Variants in WFDC1 observed in about 807,000 individuals in gnomAD.
WFDC1 encodes WAP four-disulfide core domain protein 1.
WFDC1 carries 39 observed loss-of-function variants against 32.9 expected under a neutral mutation model. That is an observed-to-expected ratio of 1.19 (90% CI 0.92 to 1.55). The LOEUF is 1.55. Ranked by LOEUF, WFDC1 falls within the 40% of genes most tolerant of loss-of-function variation. The pLI, the probability that WFDC1 is intolerant of heterozygous loss-of-function variation, is 0.00. For missense variants in WFDC1, 386 were observed against 309.5 expected, an observed-to-expected ratio of 1.25 and a Z score of -1.85; for synonymous variants, 184 against 137.4, an observed-to-expected ratio of 1.34 and a Z score of -2.37.
In WFDC1 at chr16:84,295,072, T is replaced by G. The variant is rs775538104; in HGVS notation, c.101T>G (p.Ile34Ser). 5 of 1,614,164 alleles carry G rather than the reference T, an allele frequency of 3.1e-6. No homozygotes were observed. The Admixed American group carries it at 8.3e-5, about 27-fold the overall frequency. The change falls in exon 1 of 7, where the codon ATC becomes AGC. Residue 34 changes from isoleucine to serine, a missense_variant. Physicochemically the swap from Ile to Ser is moderately radical, Grantham distance 142. Transcript: ENST00000219454. ...LLLHAGSAKN[I>S]WKRALPARLA... ...CTCCACGCCGGCTCTGCCAAGAATA[T>G]CTGGAAACGGGCATTGCCTGCGAGG...
intron 4 of WFDC1, among the ~76,000 whole-genome samples, chr16:84,323,357 A>C (rs965323461): frequency 3.3e-5 from 5 of 152,216 alleles, no homozygotes; most frequent in Admixed American, 1.3e-4. Flanking sequence ...GATCACCAGG[A>C]TGGAGAAGTG....
At chr16:84,316,020 T>G (rs1043004307) in intron 2 of WFDC1, 1 of 152,270 alleles carries the variant, frequency 6.6e-6, no homozygotes, top group Admixed American at 6.5e-5. Flanking sequence ...CATTTGCTTA[T>G]TTCCCTGCTG....
At chr16:84,302,562 C>G (rs12927466) in intron 1 of WFDC1, among the ~76,000 whole-genome samples, 26 of 152,000 alleles carry the variant, frequency 1.7e-4, no homozygotes, top group African/African-American at 6.3e-4. Flanking sequence ...CCATCTCCTC[C>G]GAGGCCTCTC....
At chr16:84,326,019 C>T (rs1908572885) in intron 5 of WFDC1, 1 of 136,482 alleles carries the variant, frequency 7.3e-6, no homozygotes, top group Non-Finnish European at 1.6e-5. Context: ...CCCATATATC[C>T]ATCTATCTAT....
chr16:84,313,160 C>T lies in WFDC1; in HGVS notation c.337+7C>T. 7.1e-7 allele frequency: 1 copy of T among 1,414,234 alleles called. No individual in the cohort carries two copies. The highest frequency in any genetic ancestry group is 9.2e-7 in the Non-Finnish European group (1 of 1,091,802). The allele number at this position is 1,414,234 out of a possible 1,614,324, so 87.6% of individuals were successfully genotyped here. On this transcript the variant is annotated splice_region_variant and intron_variant, in intron 2 of 6. Coordinates refer to ENST00000219454, the MANE Select transcript of WFDC1 (RefSeq NM_021197.4). The stretch of plus-strand genomic sequence containing the variant: ...GCTGTGCCGCCCCCGCCAGGTAGGT[C>T]CTGGGCCCGAGGGAGGGGGCTGAGG...
intron 1 of WFDC1, 185 bp downstream of exon 1, chr16:84,295,300 G>A: frequency 1.5e-6 from 1 of 655,216 alleles, no homozygotes; most frequent in Non-Finnish European, 2.4e-6. Flanking sequence ...CCCAAAAAAG[G>A]ACCCTTATCT....
chr16:84,311,125 A>G (rs431596), intron 1 of WFDC1, among the ~76,000 whole-genome samples: 105,742 of 151,690 alleles, frequency 0.7, 37,161 homozygotes, highest in East Asian at 0.98. Context: ...GCCTGGATGG[A>G]GTCTGGTGTC....
chr16:84,298,281 G>A (rs938488721), intron 1 of WFDC1, among the ~76,000 whole-genome samples: 5 of 151,956 alleles, frequency 3.3e-5, no homozygotes, highest in South Asian at 2.1e-4. Flanking sequence ...CTAATTTTTT[G>A]TATTTTTAGT....
chr16:84,295,354 T>G, intron 1 of WFDC1: 1 of 524,152 alleles, frequency 1.9e-6, no homozygotes, highest in African/African-American at 1.9e-5. Flanking sequence ...TGCCAAAGAA[T>G]CGTGCCTTAC....
At chr16:84,319,602 C>G in intron 4 of WFDC1, 31 bp downstream of exon 4, 1 of 1,606,130 alleles carries the variant, frequency 6.2e-7, no homozygotes, top group South Asian at 1.1e-5. Context: ...CTGATCCTGG[C>G]TCCTGCCCCA....
chr16:84,312,761 G>T (rs1038414468), intron 1 of WFDC1, among the ~76,000 whole-genome samples, 200 bp from the exon 2 acceptor site: 5 of 152,072 alleles, frequency 3.3e-5, no homozygotes, highest in Non-Finnish European at 7.4e-5. Context: ...ATTTCGTGCC[G>T]ACTGTTATAA....
Position 84,311,527 on chromosome 16 carries a change from C to CTTTTT in WFDC1, c.145-1417_145-1413dup, listed in dbSNP as rs35243949. 1.3e-3 allele frequency among the ~76,000 whole-genome samples: 117 copies of CTTTTT among 88,682 alleles called. 1 individual carries two copies. The highest frequency in any genetic ancestry group is 5.5e-3 in the African/African-American group (109 of 19,936). 58.2% of individuals were successfully genotyped at this position (88,682 alleles called of 152,430 possible). ...ACAGGTGTGAGCCACTGCGCCTGGA[C>CTTTTT]TTTTTTTTTTTTTTTTTTTTTAACA... is the stretch of plus-strand genomic sequence containing the variant. On this transcript the variant is annotated intron_variant, in intron 1 of 6. Transcript: ENST00000219454.
At chr16:84,324,577 C>A in intron 5 of WFDC1, 117 bp downstream of exon 5, 2 of 1,195,142 alleles carry the variant, frequency 1.7e-6, no homozygotes, top group Non-Finnish European at 2.4e-6. Context: ...AAAATGGGAC[C>A]TGGGATTAAG....
chr16:84,313,424 G>A (rs970773974), intron 2 of WFDC1, among the ~76,000 whole-genome samples: 5 of 152,228 alleles, frequency 3.3e-5, no homozygotes, highest in Admixed American at 2.6e-4. Context: ...AATGGGATGG[G>A]GGCAGGGACC....
intron 4 of WFDC1, among the ~76,000 whole-genome samples, chr16:84,320,610 G>A (rs1427427792): frequency 6.6e-6 from 1 of 152,240 alleles, no homozygotes; most frequent in East Asian, 1.9e-4. Flanking sequence ...CAAGTTGAAA[G>A]ACTTCAATGT....
At chr16:84,295,866 C>G (rs1597655760) in intron 1 of WFDC1, 1 of 152,382 alleles carries the variant, frequency 6.6e-6, no homozygotes, top group Admixed American at 6.5e-5. Flanking sequence ...ACAACTATGT[C>G]TGGGTCGCCA....
intron 6 of WFDC1, chr16:84,327,774 C>G (rs1908687090): frequency 6.6e-6 from 1 of 152,240 alleles, no homozygotes; most frequent in African/African-American, 2.4e-5. Flanking sequence ...TCTATCTCTT[C>G]TCATTTCTGT....
At chr16:84,312,907 C>T (rs949970480) in intron 1 of WFDC1, 54 bp from the exon 2 acceptor site, 95 of 1,095,764 alleles carry the variant, frequency 8.7e-5, no homozygotes, top group African/African-American at 1.8e-4. Flanking sequence ...CTCCGGGTGG[C>T]GCCGGGACTC....
At chr16:84,304,753 T>C (rs144802261) in intron 1 of WFDC1, among the ~76,000 whole-genome samples, 3 of 152,304 alleles carry the variant, frequency 2.0e-5, no homozygotes, top group African/African-American at 7.2e-5. Flanking sequence ...GTGGCATTAT[T>C]TTGTTTTCAT....
Sources: gnomAD v4.1 joint callset for allele counts (sites outside exome capture counted in the v4.1 genomes callset) on GRCh38, gnomAD v4.1.1 for gene constraint, MANE v1.5 for transcripts, NCBI Gene and HGNC (gene_info 2026-07-23, HGNC 2026-07-21) for gene names.